Variants in DPP10 observed in about 807,000 individuals in gnomAD.
DPP10 encodes the protein dipeptidyl peptidase like 10, also known as inactive dipeptidyl peptidase 10.
In DPP10, 33 loss-of-function variants were observed where a neutral mutation model predicts 120.9. The observed-to-expected ratio is 0.27, with a 90% CI of 0.21 to 0.37. DPP10 has a LOEUF of 0.37. Ranked by LOEUF, DPP10 falls within the 10% of genes least tolerant of loss-of-function variation. DPP10 has a pLI of 1.00. For missense variants in DPP10, 816 were observed against 942.8 expected (o/e 0.87, Z 1.76); for synonymous variants, 337 against 326.1 (o/e 1.03, Z -0.36).
chr2:115,614,147 A>G (rs2084316727), intron 5 of DPP10, among the ~76,000 whole-genome samples: 2 of 152,248 alleles, frequency 1.3e-5, no homozygotes, highest in Admixed American at 6.5e-5. Flanking sequence ...AGTGTCTACC[A>G]TAATCACCTT....
chr2:114,900,815 T>G (rs989196669), intron 1 of DPP10, among the ~76,000 whole-genome samples: 1 of 152,208 alleles, frequency 6.6e-6, no homozygotes, highest in Non-Finnish European at 1.5e-5. Flanking sequence ...TGTAATCTTC[T>G]TTAAACTTTG....
chr2:114,497,347 A>G (rs1480690814), intron 1 of DPP10, among the ~76,000 whole-genome samples: 1 of 33,308 alleles, frequency 3.0e-5, no homozygotes, highest in Non-Finnish European at 1.1e-4. Flanking sequence ...ACATATACAT[A>G]CACATGTACA....
intron 8 of DPP10, among the ~76,000 whole-genome samples, chr2:115,728,288 TAAAAAA>T (rs60549082): frequency 6.8e-6 from 1 of 147,312 alleles, no homozygotes. Context: ...CCTTTATTTC[TAAAAAA>T]AAAAAAAAAA....
At chr2:115,151,142 G>A (rs1210997935) in intron 1 of DPP10, among the ~76,000 whole-genome samples, 2 of 151,978 alleles carry the variant, frequency 1.3e-5, no homozygotes, top group Non-Finnish European at 2.9e-5. Context: ...AAAACCTCCG[G>A]TCCATATTGT....
intron 1 of DPP10, among the ~76,000 whole-genome samples, chr2:115,170,207 C>T (rs1325013444): frequency 2.2e-4 from 33 of 152,196 alleles, no homozygotes; most frequent in Middle Eastern, 3.2e-3. Flanking sequence ...CACATCTCAC[C>T]TCCAGGAATG....
intron 1 of DPP10, among the ~76,000 whole-genome samples, chr2:114,749,781 AAGAGAAAAGCGTT>A (rs1679029153): frequency 1.3e-5 from 2 of 152,054 alleles, no homozygotes; most frequent in South Asian, 2.1e-4. Flanking sequence ...ATGAACGCCA[AAGAGAAAAGCGTT>A]AGTACACTAA....
At chr2:115,081,022 T>A (rs1708231592) in intron 1 of DPP10, among the ~76,000 whole-genome samples, 1 of 152,234 alleles carries the variant, frequency 6.6e-6, no homozygotes, top group Non-Finnish European at 1.5e-5. Context: ...TTTGTTGCTG[T>A]TCTTCACCTG....
At chr2:115,254,594 G>T (rs2058897160) in intron 1 of DPP10, among the ~76,000 whole-genome samples, 1 of 152,140 alleles carries the variant, frequency 6.6e-6, no homozygotes, top group Non-Finnish European at 1.5e-5. Flanking sequence ...TCTGAGAAAA[G>T]GCAAGTCCCT....
intron 1 of DPP10, among the ~76,000 whole-genome samples, chr2:114,569,820 A>T (rs1180068437): frequency 1.3e-5 from 2 of 151,504 alleles, no homozygotes; most frequent in Non-Finnish European, 2.9e-5. Flanking sequence ...AATCACACTC[A>T]CACACACACA....
chr2:115,828,812 A>C (rs577813247), intron 21 of DPP10, among the ~76,000 whole-genome samples: 1 of 152,150 alleles, frequency 6.6e-6, no homozygotes, highest in South Asian at 2.1e-4. Context: ...TAAACTTTTA[A>C]ATAAAATAAA....
chr2:114,776,475 G>A (rs1355944759), intron 1 of DPP10, among the ~76,000 whole-genome samples: 1 of 152,130 alleles, frequency 6.6e-6, no homozygotes, highest in African/African-American at 2.4e-5. Flanking sequence ...TTTCTCTACT[G>A]AATGCAATCT....
At chr2:114,595,578 G>A (rs914927660) in intron 1 of DPP10, among the ~76,000 whole-genome samples, 2 of 152,110 alleles carry the variant, frequency 1.3e-5, no homozygotes, top group Non-Finnish European at 2.9e-5. Context: ...TAGTTTTCAT[G>A]TTTTGTAATA....
intron 1 of DPP10, among the ~76,000 whole-genome samples, chr2:114,506,370 G>C (rs1683656363): frequency 6.6e-6 from 1 of 152,268 alleles, no homozygotes; most frequent in Non-Finnish European, 1.5e-5. Context: ...CCTGCTGAGA[G>C]CCACTTTCAT....
chr2:114,748,182 T>C (rs1678767080), intron 1 of DPP10, among the ~76,000 whole-genome samples: 1 of 152,082 alleles, frequency 6.6e-6, no homozygotes, highest in South Asian at 2.1e-4. Flanking sequence ...AACAAAAATC[T>C]GTTTTCGTTT....
At position 114,778,661 on chromosome 2, in the gene DPP10, A is replaced by G. The variant is rs372373988; in HGVS notation, c.60+335823A>G. ...AAAGAAATCATGGAAGCTTGCAAGG[A>G]AAGTACATGAACCAGGCCTGGAAGT... On this transcript the variant is annotated intron_variant, in intron 1 of 25. Coordinates refer to ENST00000410059, the MANE Select transcript of DPP10 (RefSeq NM_020868.6). Among the ~76,000 whole-genome samples the G allele has an allele frequency of 1.6e-4, 24 of 152,112 alleles. No individual in the cohort carries two copies. The East Asian group carries it at 2.9e-3, about 18-fold the overall frequency.
intron 1 of DPP10, among the ~76,000 whole-genome samples, chr2:115,126,965 C>T (rs2050113692): frequency 6.6e-6 from 1 of 152,184 alleles, no homozygotes. Context: ...ATTCTATAGA[C>T]TTTCCAAACA....
At chr2:114,696,666 G>T (rs1700084584) in intron 1 of DPP10, among the ~76,000 whole-genome samples, 1 of 151,644 alleles carries the variant, frequency 6.6e-6, no homozygotes, top group African/African-American at 2.4e-5. Flanking sequence ...TGCCTGGTTG[G>T]CAAAAAATCA....
At chr2:115,634,609 AG>A (rs1558957129) in intron 5 of DPP10, among the ~76,000 whole-genome samples, 1 of 152,232 alleles carries the variant, frequency 6.6e-6, no homozygotes, top group African/African-American at 2.4e-5. Flanking sequence ...TCTGTACCAG[AG>A]GGGCACTGAC....
chr2:115,804,506 T>C (rs970959288), intron 19 of DPP10, among the ~76,000 whole-genome samples: 3 of 152,198 alleles, frequency 2.0e-5, no homozygotes, highest in African/African-American at 7.2e-5. Context: ...GGAGAGGCGC[T>C]CTGGTTTTTA....
Sources: gnomAD v4.1 joint callset for allele counts (sites outside exome capture counted in the v4.1 genomes callset) on GRCh38, gnomAD v4.1.1 for gene constraint, MANE v1.5 for transcripts, NCBI Gene and HGNC (gene_info 2026-07-23, HGNC 2026-07-21) for gene names.